Variants in PI4KA observed in about 807,000 individuals in gnomAD.
PI4KA encodes the protein phosphatidylinositol 4-kinase alpha, also known as PI4-kinase alpha.
A neutral mutation model predicts 271.4 loss-of-function variants in PI4KA; 122 were observed. The ratio of observed to expected loss-of-function variants is 0.45; its 90% CI spans 0.39 to 0.52. PI4KA has a LOEUF of 0.52. Among genes scored for constraint, PI4KA ranks in the 20% least tolerant of loss-of-function variants. The pLI is 0.00. For missense variants in PI4KA, 1,969 were observed against 2,769.1 expected, an observed-to-expected ratio of 0.71 and a Z score of 6.48; for synonymous variants, 1,041 against 1,078.8, an observed-to-expected ratio of 0.96 and a Z score of 0.69.
intron 23 of PI4KA, among the ~76,000 whole-genome samples, chr22:20,760,788 TAGGGCTGGTAACAGCTG>T (rs1386153341): frequency 3.9e-5 from 6 of 152,214 alleles, no homozygotes; most frequent in Non-Finnish European, 8.8e-5. Context: ...TCTCCTGGGC[TAGGGCTGGTAACAGCTG>T]AGGCCCTCTG....
At chr22:20,823,759 C>T (rs930508645) in intron 4 of PI4KA, among the ~76,000 whole-genome samples, 2 of 151,898 alleles carry the variant, frequency 1.3e-5, no homozygotes, top group African/African-American at 4.8e-5. Flanking sequence ...GGCAACATGG[C>T]GAAACCTTGT....
At chr22:20,720,337 T>C (rs985528079) in intron 43 of PI4KA, among the ~76,000 whole-genome samples, 1 of 152,132 alleles carries the variant, frequency 6.6e-6, no homozygotes, top group African/African-American at 2.4e-5. Flanking sequence ...ATTACAAGCA[T>C]GAGCCACCAT....
At position 20,751,415 on chromosome 22, in the gene PI4KA, C is replaced by G. The variant is rs757161049; in HGVS notation, c.3070-39G>C. The G allele has an allele frequency of 1.8e-5, 29 of 1,578,132 alleles. No homozygotes were observed. The Admixed American group carries it at 4.9e-4, about 27-fold the overall frequency. On this transcript the variant is annotated intron_variant, in intron 26 of 54. Transcript: ENST00000255882. Reference sequence around the variant, plus strand: ...AAGACTCCCTCTTCCAAACTGCCTTCCCCAAGTTGCCACTAGCAACCACAT... The same window carrying G: ...AAGACTCCCTCTTCCAAACTGCCTTGCCCAAGTTGCCACTAGCAACCACAT...
chr22:20,725,569 C>G (rs1181768095), intron 42 of PI4KA: 1 of 451,404 alleles, frequency 2.2e-6, no homozygotes, highest in East Asian at 7.0e-5. Flanking sequence ...AAAAGGATGA[C>G]CCTGTAAGGA....
chr22:20,732,617 GACA>G (rs1601357324), intron 36 of PI4KA, among the ~76,000 whole-genome samples: 1 of 152,166 alleles, frequency 6.6e-6, no homozygotes, highest in Non-Finnish European at 1.5e-5. Flanking sequence ...CCTCCTACAA[GACA>G]ACAACAGACC....
At position 20,808,668 on chromosome 22, in the gene PI4KA, A is replaced by G. The variant is rs952021078; in HGVS notation, c.1072-1210T>C. ...GTAGGATGGAAAATTATGGTTTATC[A>G]TAACTCGTTTTTTTCATTTTTTTTT... On this transcript the variant is annotated intron_variant, in intron 9 of 54. Coordinates refer to ENST00000255882, the MANE Select transcript of PI4KA (RefSeq NM_058004.4). 4.6e-5 allele frequency among the ~76,000 whole-genome samples: 7 copies of G among 151,190 alleles called. No homozygotes were observed. The South Asian group carries it at 1.0e-3, about 23-fold the overall frequency.
At chr22:20,842,087 G>A (rs1399487284) in intron 1 of PI4KA, among the ~76,000 whole-genome samples, 1 of 152,100 alleles carries the variant, frequency 6.6e-6, no homozygotes, top group East Asian at 1.9e-4. Context: ...ATGGTGGCAG[G>A]CCCCGTGGCA....
intron 7 of PI4KA, among the ~76,000 whole-genome samples, chr22:20,817,980 C>T (rs571007237): frequency 3.3e-5 from 5 of 151,670 alleles, no homozygotes; most frequent in African/African-American, 7.3e-5. Context: ...CAAAAATTAG[C>T]TGAGCATGCT....
At chr22:20,740,976 GGAA>G (rs1929363547) in intron 32 of PI4KA, among the ~76,000 whole-genome samples, 1 of 152,214 alleles carries the variant, frequency 6.6e-6, no homozygotes, top group Non-Finnish European at 1.5e-5. Flanking sequence ...GGAGATCACA[GGAA>G]GACTGTAAAA....
Position 20,811,086 on chromosome 22 carries a change from G to A in PI4KA, c.1006-54C>T. The A allele has an allele frequency of 2.3e-6, 3 of 1,327,798 alleles. No individual in the cohort carries two copies. The Admixed American group carries it at 5.0e-5, about 22-fold the overall frequency. 82.3% of individuals were successfully genotyped at this position (1,327,798 alleles called of 1,614,324 possible). On this transcript the variant is annotated intron_variant, in intron 8 of 54. Coordinates refer to ENST00000255882, the MANE Select transcript of PI4KA (RefSeq NM_058004.4). The stretch of plus-strand genomic sequence containing the variant: ...AACTGACATACACAGAGACAGGAAT[G>A]CTAGCTCCTTCTACCGAAAACCCAT...
chr22:20,838,259 A>C (rs1925130365), intron 2 of PI4KA, among the ~76,000 whole-genome samples: 1 of 152,216 alleles, frequency 6.6e-6, no homozygotes, highest in Non-Finnish European at 1.5e-5. Context: ...AATACCCCTG[A>C]GTCTGACTGA....
Position 20,817,734 on chromosome 22 carries a change from C to CAA in PI4KA, c.856+747_856+748dup, listed in dbSNP as rs361731. Among the ~76,000 whole-genome samples, 21 of 13,972 alleles carry CAA rather than the reference C, an allele frequency of 1.5e-3. 4 individuals are homozygous for CAA. Among genetic ancestry groups the CAA allele is most frequent in the East Asian group, 3.0e-3 (1 of 332 alleles). The allele number at this position is 13,972 out of a possible 152,430, so 9.2% of individuals were successfully genotyped here. A position where few individuals can be genotyped will look rare whatever the true frequency, so the allele number is the denominator to read the frequency against. ...GGGTGGCAGAGTGAGACTCTCTCTCCAAAAAAAAAAAAAAAAAAAAAAAAA... is the reference window on the plus strand; with the variant it reads ...GGGTGGCAGAGTGAGACTCTCTCTCCAAAAAAAAAAAAAAAAAAAAAAAAAAA... On this transcript the variant is annotated intron_variant, in intron 7 of 54. Coordinates refer to ENST00000255882, the MANE Select transcript of PI4KA (RefSeq NM_058004.4).
intron 19 of PI4KA, among the ~76,000 whole-genome samples, chr22:20,785,826 A>T (rs1388784735): frequency 6.6e-6 from 1 of 152,208 alleles, no homozygotes; most frequent in Admixed American, 6.5e-5. Context: ...TCAGTAGCGG[A>T]ATTACAAAGG....
rs1396637138 is a variant in PI4KA, at chr22:20,819,697, C to T, written c.733G>A (p.Val245Ile). 3.1e-6 allele frequency: 5 copies of T among 1,613,962 alleles called. No individual in the cohort carries two copies. The African/African-American group carries it at 6.7e-5, about 22-fold the overall frequency. Reference protein sequence around the residue: ...RSILPSNLLTVCQEGTLKRKT... With the variant: ...RSILPSNLLTICQEGTLKRKT... ...CTCTTCAGGGTACCCTCCTGACAGACAGTCAGCAGATTGCTGGGGAGGATG... is the reference window on the plus strand; with the variant it reads ...CTCTTCAGGGTACCCTCCTGACAGATAGTCAGCAGATTGCTGGGGAGGATG... Residue 245 changes from valine to isoleucine, a missense_variant, in exon 6 of 55, where the codon GTC (valine) becomes ATC (isoleucine). This residue lies in a region of PI4KA where 540 missense variants were observed against 555.5 expected (regional missense o/e 0.97). Transcript: ENST00000255882.
intron 20 of PI4KA, 77 bp from the exon 21 acceptor site, chr22:20,765,313 T>C (rs1490706772): frequency 1.6e-5 from 22 of 1,402,038 alleles, no homozygotes; most frequent in African/African-American, 2.9e-5. Flanking sequence ...ACAATTTCTA[T>C]AGTCATGGGT....
At chr22:20,837,362 G>A (rs146690544) in intron 2 of PI4KA, among the ~76,000 whole-genome samples, 9 of 146,560 alleles carry the variant, frequency 6.1e-5, no homozygotes, top group Admixed American at 1.4e-4. Flanking sequence ...AGGCGATAGA[G>A]TGACACTCTA....
intron 4 of PI4KA, 83 bp downstream of exon 4, chr22:20,824,243 C>T (rs1923084906): frequency 1.1e-6 from 1 of 872,666 alleles, no homozygotes; most frequent in African/African-American, 1.6e-5. Flanking sequence ...AATCACATTT[C>T]ACGTTTTTAA....
chr22:20,757,585 C>A lies in PI4KA; in HGVS notation c.2791+3719G>T, dbSNP rs1205871137. Among the ~76,000 whole-genome samples the A allele has an allele frequency of 2.0e-5, 3 of 152,016 alleles. No individual in the cohort carries two copies. In the East Asian group the frequency reaches 5.8e-4, roughly 29 times the overall value. On this transcript the variant is annotated intron_variant, in intron 23 of 54. Coordinates refer to ENST00000255882, the MANE Select transcript of PI4KA (RefSeq NM_058004.4). ...TTTGAGATGGAGTTTCACTCTGTCT[C>A]CCAGGCTGGAGTGTGTGGTGTGATC...
chr22:20,825,008 T>C (rs1376229072), intron 3 of PI4KA, among the ~76,000 whole-genome samples: 1 of 128,710 alleles, frequency 7.8e-6, no homozygotes, highest in Non-Finnish European at 1.5e-5. Context: ...AAGTGGAGGT[T>C]CCAGTGAGCC....
Sources: allele counts gnomAD v4.1 joint callset (sites outside exome capture counted in the v4.1 genomes callset), GRCh38; gene constraint gnomAD v4.1.1; regional missense constraint gnomAD v4.1.1; transcripts MANE v1.5; gene names NCBI Gene and HGNC (gene_info 2026-07-23, HGNC 2026-07-21).